The following CACNA2D3 variants were observed in gnomAD, a reference collection of about 807,000 sequenced individuals.
The protein encoded by CACNA2D3 is calcium voltage-gated channel auxiliary subunit alpha2delta 3, also known as voltage-dependent calcium channel subunit alpha-2/delta-3.
CACNA2D3 carries 60 observed loss-of-function variants against 160.6 expected under a neutral mutation model. The observed-to-expected ratio is 0.37, with a 90% CI of 0.30 to 0.46. CACNA2D3 has a LOEUF of 0.46. CACNA2D3 is among the 20% of genes least tolerant of loss of function. The probability of loss-of-function intolerance (pLI) is 1.00; values close to 1 mark genes in which losing one functional copy is unlikely to be tolerated. For synonymous variants in CACNA2D3, 558 were observed against 492.9 expected (o/e 1.13, Z -1.75); for missense variants, 1,205 against 1,365.0 (o/e 0.88, Z 1.85).
At chr3:54,141,483 C>T (rs1699934470) in intron 2 of CACNA2D3, among the ~76,000 whole-genome samples, 1 of 152,160 alleles carries the variant, frequency 6.6e-6, no homozygotes, top group Non-Finnish European at 1.5e-5. Context: ...TTCTCAGGTC[C>T]TGTTTTGTGG....
At chr3:54,950,760 C>G (rs1701738651) in intron 27 of CACNA2D3, among the ~76,000 whole-genome samples, 1 of 152,114 alleles carries the variant, frequency 6.6e-6, no homozygotes. Flanking sequence ...CCTCAGATAC[C>G]AATATCTTGC....
Position 54,453,030 on chromosome 3 carries a change from C to G in CACNA2D3, c.382-50462C>G, listed in dbSNP as rs138396344. Among the ~76,000 whole-genome samples the G allele has an allele frequency of 6.0e-3, 918 of 152,062 alleles. 12 individuals carry two copies. Among genetic ancestry groups the G allele is most frequent in the African/African-American group, 0.021 (875 of 41,444 alleles). ...TCTTTCTGACAGGGTCCCTCTCTGT[C>G]ACCCAAGCTGGAGTGCAGTGGCATG... On this transcript the variant is annotated intron_variant, in intron 4 of 37. Transcript: ENST00000474759.
chr3:54,959,418 G>C (rs1406353190), intron 27 of CACNA2D3, among the ~76,000 whole-genome samples: 7 of 152,294 alleles, frequency 4.6e-5, no homozygotes, highest in Non-Finnish European at 1.0e-4. Flanking sequence ...CATCCCTCCA[G>C]CTCTGTGGAC....
intron 2 of CACNA2D3, among the ~76,000 whole-genome samples, chr3:54,271,466 T>C (rs1412530601): frequency 6.6e-6 from 1 of 152,138 alleles, no homozygotes; most frequent in Non-Finnish European, 1.5e-5. Flanking sequence ...AATGCTATGA[T>C]TCTCTGAAAT....
At chr3:54,496,096 A>G (rs1035067922) in intron 4 of CACNA2D3, among the ~76,000 whole-genome samples, 4 of 152,170 alleles carry the variant, frequency 2.6e-5, no homozygotes, top group Non-Finnish European at 5.9e-5. Context: ...GCTATTATGA[A>G]TGGGGTTTCC....
chr3:54,638,471 A>G (rs1699428823), intron 10 of CACNA2D3: 1 of 151,896 alleles, frequency 6.6e-6, no homozygotes, highest in Non-Finnish European at 1.5e-5. Context: ...TGATAAAAAG[A>G]TTATAGGGTG....
intron 11 of CACNA2D3, among the ~76,000 whole-genome samples, chr3:54,738,427 A>G (rs528147920): frequency 2.0e-5 from 3 of 152,230 alleles, no homozygotes; most frequent in Non-Finnish European, 4.4e-5. Flanking sequence ...AACTGAAGGA[A>G]ACATTTTGAA....
At chr3:54,556,924 G>T (rs12490326) in intron 5 of CACNA2D3, among the ~76,000 whole-genome samples, 28,240 of 152,164 alleles carry the variant, frequency 0.19, 2,773 homozygotes, top group South Asian at 0.33. Context: ...TTACTGTCCC[G>T]TGGGTTACTT....
At chr3:54,585,666 C>T (rs377685796) in intron 9 of CACNA2D3, among the ~76,000 whole-genome samples, 5 of 152,128 alleles carry the variant, frequency 3.3e-5, no homozygotes, top group African/African-American at 9.7e-5. Context: ...GGCAAGAGAG[C>T]ATGTGCAGAG....
At chr3:54,735,063 C>T (rs1701469387) in intron 11 of CACNA2D3, among the ~76,000 whole-genome samples, 1 of 152,238 alleles carries the variant, frequency 6.6e-6, no homozygotes, top group East Asian at 1.9e-4. Context: ...CTTCTCTGTT[C>T]TTCAGCCGCT....
chr3:54,981,917 A>C (rs919396208), intron 29 of CACNA2D3, among the ~76,000 whole-genome samples: 9 of 152,188 alleles, frequency 5.9e-5, no homozygotes, highest in Non-Finnish European at 4.4e-5. Context: ...AGAAAGGTAA[A>C]GGAGAGAGAG....
chr3:54,870,209 T>C (rs1699493366), intron 17 of CACNA2D3, among the ~76,000 whole-genome samples: 1 of 152,144 alleles, frequency 6.6e-6, no homozygotes, highest in Non-Finnish European at 1.5e-5. Flanking sequence ...CTCATCCCAC[T>C]GGGGGTCAGT....
At chr3:54,210,424 T>TTG (rs148099415) in intron 2 of CACNA2D3, among the ~76,000 whole-genome samples, 1,746 of 151,404 alleles carry the variant, frequency 0.012, 16 homozygotes, top group Middle Eastern at 0.014. Context: ...TGCAAAGTTT[T>TTG]TGTGTGTGTG....
intron 31 of CACNA2D3, among the ~76,000 whole-genome samples, chr3:54,997,022 G>T (rs1444685059): frequency 6.7e-6 from 1 of 148,358 alleles, no homozygotes; most frequent in Non-Finnish European, 1.5e-5. Context: ...GGGCCTGTCA[G>T]GGGGTGGAGG....
chr3:54,694,358 CTA>C (rs1048316217), intron 11 of CACNA2D3, among the ~76,000 whole-genome samples: 1 of 152,188 alleles, frequency 6.6e-6, no homozygotes, highest in African/African-American at 2.4e-5. Context: ...TAAATACACT[CTA>C]TGGTGTTCAC....
intron 5 of CACNA2D3, among the ~76,000 whole-genome samples, chr3:54,540,767 C>T (rs966437754): frequency 1.3e-5 from 2 of 152,078 alleles, no homozygotes; most frequent in African/African-American, 4.8e-5. Flanking sequence ...TTAATTACCA[C>T]CCAAAGACCC....
chr3:54,305,776 T>G (rs573553816), intron 2 of CACNA2D3, among the ~76,000 whole-genome samples: 1 of 152,326 alleles, frequency 6.6e-6, no homozygotes. Context: ...AATGACATCT[T>G]TTACTTTCAC....
intron 2 of CACNA2D3, among the ~76,000 whole-genome samples, chr3:54,248,109 T>C (rs1702116720): frequency 6.6e-6 from 1 of 152,110 alleles, no homozygotes. Context: ...GTCGAAGCTC[T>C]GATTCCCAAT....
At chr3:54,690,420 C>T (rs1302175085) in intron 11 of CACNA2D3, among the ~76,000 whole-genome samples, 1 of 152,132 alleles carries the variant, frequency 6.6e-6, no homozygotes, top group East Asian at 1.9e-4. Context: ...AGCTTATTCA[C>T]TGATTAAGTC....
Sources: allele counts gnomAD v4.1 joint callset (sites outside exome capture counted in the v4.1 genomes callset), GRCh38; gene constraint gnomAD v4.1.1; transcripts MANE v1.5; gene names NCBI Gene and HGNC (gene_info 2026-07-23, HGNC 2026-07-21).